The following ZNF596 variants were observed in gnomAD, a reference collection of about 807,000 sequenced individuals.
ZNF596 encodes the protein zinc finger protein 596.
A neutral mutation model predicts 48.3 loss-of-function variants in ZNF596; 45 were observed. The observed-to-expected ratio is 0.93, with a 90% confidence interval of 0.73 to 1.19. The LOEUF (loss-of-function observed/expected upper bound fraction) is 1.19, where lower values mean the gene tolerates loss of function less well. ZNF596 is among the 50% of genes most tolerant of loss of function. The pLI is 0.00. For synonymous variants in ZNF596, 270 were observed against 202.0 expected (o/e 1.34, Z -2.85); for missense variants, 848 against 599.7 (o/e 1.41, Z -4.32).
At chr8:243,540 G>A (rs1416249873) in intron 3 of ZNF596, 182 bp from the exon 4 acceptor site, 1 of 486,388 alleles carries the variant, frequency 2.1e-6, no homozygotes, top group African/African-American at 2.0e-5. Context: ...TTATGTCTGG[G>A]AACAAGTTCA....
At position 237,047 on chromosome 8, in the gene ZNF596, A is replaced by C. The variant is rs569312207; in HGVS notation, c.-72-3777A>C. The C allele has an allele frequency of 9.2e-5, 14 of 152,298 alleles. 1 individual carries two copies. The East Asian group carries it at 2.3e-3, about 25-fold the overall frequency. The allele number at this position is 152,298 out of a possible 1,614,324, so 9.4% of individuals were successfully genotyped here. On this transcript the variant is annotated intron_variant, in intron 1 of 5. Coordinates refer to ENST00000398612, the MANE Select transcript of ZNF596 (RefSeq NM_001042416.3). The stretch of plus-strand genomic sequence containing the variant: ...CTCTGATATATAACTTAAACATTAA[A>C]ATTGGCTAATCAGATTTTTGTGCTG...
In ZNF596 at chr8:245,170, A is replaced by G; in HGVS notation, c.323A>G (p.Glu108Gly). The change falls in exon 6 of 6, where the codon GAG (glutamate) becomes GGG (glycine). Residue 108 changes from glutamate to glycine, a missense_variant. Glu to Gly is a moderately conservative substitution (Grantham distance 98, BLOSUM62 -2). Coordinates refer to ENST00000398612, the MANE Select transcript of ZNF596 (RefSeq NM_001042416.3). Reference protein sequence around the residue: ...TISTMRSHTQEDPFLCNDLGE... With the variant: ...TISTMRSHTQGDPFLCNDLGE... ...CAAAACCAGAGATCTCATACTCAAG[A>G]GGATCCTTTTCTATGCAATGACTTA... 1.3e-6 allele frequency: 2 copies of G among 1,595,548 alleles called. No individual in the cohort carries two copies. The highest frequency in any genetic ancestry group is 1.7e-6 in the Non-Finnish European group (2 of 1,170,042).
At position 243,752 on chromosome 8, in the gene ZNF596, C is replaced by A; in HGVS notation, c.170C>A (p.Ser57Tyr). ...GKQLCKSVVL[S>Y]QLEQVEKLST... ...CAGCTCTGCAAATCAGTTGTGCTTT[C>A]CCAATTGGAGCAAGTAGAGAAACTT... Residue 57 changes from serine (S) to tyrosine (Y), a missense_variant, in exon 4 of 6, where the codon TCC (serine) becomes TAC (tyrosine). Coordinates refer to ENST00000398612, the MANE Select transcript of ZNF596 (RefSeq NM_001042416.3). 2 of 1,613,750 alleles carry A rather than the reference C, an allele frequency of 1.2e-6. No homozygotes were observed. The highest frequency in any genetic ancestry group is 1.7e-6 in the Non-Finnish European group (2 of 1,179,778).
chr8:243,081 C>G (rs1171493292), intron 3 of ZNF596, 68 bp downstream of exon 3: 11 of 1,435,284 alleles, frequency 7.7e-6, no homozygotes, highest in Non-Finnish European at 9.5e-6. Context: ...TTCACTGATT[C>G]ATTCTTTCAT....
Position 246,160 on chromosome 8 carries a change from A to C in ZNF596, c.1313A>C (p.Glu438Ala), listed in dbSNP as rs1007766291. The C allele has an allele frequency of 1.9e-6, 3 of 1,614,040 alleles. No homozygotes were observed. The highest frequency in any genetic ancestry group is 2.7e-5 in the African/African-American group (2 of 74,948). ...CACTCTTCTGTCCTTAGACGACATG[A>C]GAGAACTCACACTGGAGAGAAACCA... ...FNHSSVLRRH[E>A]RTHTGEKPYE... Residue 438 changes from glutamate (E) to alanine (A), a missense_variant, in exon 6 of 6, where the codon GAG (glutamate) becomes GCG (alanine). Physicochemically the swap from Glu to Ala is moderately radical, Grantham distance 107. Coordinates refer to ENST00000398612, the MANE Select transcript of ZNF596 (RefSeq NM_001042416.3).
rs541481013 is a variant in ZNF596, at chr8:232,743, C to G, written c.-73+49C>G. The stretch of plus-strand genomic sequence containing the variant: ...TCTTCCATCGTCCCCACCCTCGCCC[C>G]TCTTGGCCCCTCAGGGCAGCCCTGG... On this transcript the variant is annotated intron_variant, in intron 1 of 5. Coordinates refer to ENST00000398612, the MANE Select transcript of ZNF596 (RefSeq NM_001042416.3). 1.3e-3 allele frequency: 517 copies of G among 412,602 alleles called. 6 individuals carry two copies. Among genetic ancestry groups the G allele is most frequent in the African/African-American group, 0.01 (478 of 47,270 alleles). 25.6% of individuals were successfully genotyped at this position (412,602 alleles called of 1,614,324 possible).
intron 1 of ZNF596, among the ~76,000 whole-genome samples, chr8:240,016 G>C (rs1259385652): frequency 6.6e-6 from 1 of 152,172 alleles, no homozygotes; most frequent in African/African-American, 2.4e-5. Context: ...AAGAACAAAA[G>C]CTTCTCCTAG....
At chr8:232,840 A>G in intron 1 of ZNF596, 146 bp downstream of exon 1, 1 of 446,976 alleles carries the variant, frequency 2.2e-6, no homozygotes, top group East Asian at 7.0e-5. Context: ...CGTCTCCGCA[A>G]ACCCCACGCT....
chr8:245,821 A>T lies in ZNF596; in HGVS notation c.974A>T (p.His325Leu), dbSNP rs183667362. The change falls in exon 6 of 6, where the codon CAT becomes CTT. Residue 325 changes from histidine (H) to leucine (L), a missense_variant. Physicochemically the swap from His to Leu is moderately conservative, Grantham distance 99. Coordinates refer to ENST00000398612, the MANE Select transcript of ZNF596 (RefSeq NM_001042416.3). ...AFSKCSYLRQ[H>L]ERTHNGEKPY... ...AGTAAATGTTCTTACCTTAGACAAC[A>T]TGAAAGAACTCACAATGGAGAGAAA... The T allele has an allele frequency of 1.2e-6, 2 of 1,614,156 alleles. No homozygotes were observed. Among genetic ancestry groups the T allele is most frequent in the East Asian group, 4.5e-5 (2 of 44,864 alleles).
chr8:245,340 A>G lies in ZNF596; in HGVS notation c.493A>G (p.Lys165Glu). 1.9e-6 allele frequency: 3 copies of G among 1,614,126 alleles called. No individual in the cohort carries two copies. The highest frequency in any genetic ancestry group is 2.5e-6 in the Non-Finnish European group (3 of 1,179,976). ...NQHKEIHTKC[K>E]SYGSHLFDYA... ...ACACAAGGAAATTCACACCAAATGT[A>G]AATCATATGGAAGTCATCTATTTGA... Residue 165 changes from lysine to glutamate, a missense_variant, in exon 6 of 6, where the codon AAA (lysine) becomes GAA (glutamate). Lys to Glu is a moderately conservative substitution (Grantham distance 56). Coordinates refer to ENST00000398612, the MANE Select transcript of ZNF596 (RefSeq NM_001042416.3).
At chr8:242,837 A>C (rs761006510) in intron 2 of ZNF596, 50 bp from the exon 3 acceptor site, 1 of 1,418,052 alleles carries the variant, frequency 7.1e-7, no homozygotes, top group South Asian at 1.8e-5. Context: ...GCTCCACTGA[A>C]CATTGGCAGA....
intron 5 of ZNF596, 36 bp downstream of exon 5, chr8:244,737 T>C: frequency 1.3e-6 from 2 of 1,552,048 alleles, no homozygotes; most frequent in South Asian, 1.2e-5. Context: ...TTCTTACATA[T>C]AGAAACCTGG....
At position 243,734 on chromosome 8, in the gene ZNF596, G is replaced by A. The variant is rs1253539649; in HGVS notation, c.152G>A (p.Cys51Tyr). The A allele has an allele frequency of 5.0e-6, 8 of 1,613,402 alleles. No homozygotes were observed. The Admixed American group carries it at 6.7e-5, about 13-fold the overall frequency. ...SHLVSIGKQL[C>Y]KSVVLSQLEQ... ...TTCCCCAAAACAGGCAAACAGCTCT[G>A]CAAATCAGTTGTGCTTTCCCAATTG... The change falls in exon 4 of 6, where the codon TGC becomes TAC. Residue 51 changes from cysteine to tyrosine, a missense_variant. Coordinates refer to ENST00000398612, the MANE Select transcript of ZNF596 (RefSeq NM_001042416.3).
At position 244,707 on chromosome 8, in the gene ZNF596, C is replaced by A; in HGVS notation, c.306+6C>A. The A allele has an allele frequency of 6.2e-7, 1 of 1,607,218 alleles. No homozygotes were observed. Reference sequence around the variant, plus strand: ...CGTCCACCATCAGCACAATGGTAAGCTTTATGGATGCAAACCCTGTTCTTA... The same window carrying A: ...CGTCCACCATCAGCACAATGGTAAGATTTATGGATGCAAACCCTGTTCTTA... On this transcript the variant is annotated splice_donor_region_variant and intron_variant, in intron 5 of 5. Coordinates refer to ENST00000398612, the MANE Select transcript of ZNF596 (RefSeq NM_001042416.3).
In ZNF596 at chr8:246,991, G is replaced by A. The variant is rs1245917017; in HGVS notation, c.*629G>A. Reference sequence around the variant, plus strand: ...ATTCACATGGTGTAGAACTCTCAATGACATGAATGGAGGGTAGTCCTCAGT... The same window carrying A: ...ATTCACATGGTGTAGAACTCTCAATAACATGAATGGAGGGTAGTCCTCAGT... On this transcript the variant is annotated 3_prime_UTR_variant, in exon 6 of 6. Coordinates refer to ENST00000398612, the MANE Select transcript of ZNF596 (RefSeq NM_001042416.3). 6.7e-6 allele frequency: 1 copy of A among 149,512 alleles called. No individual in the cohort carries two copies. The highest frequency in any genetic ancestry group is 1.5e-5 in the Non-Finnish European group (1 of 67,084). The allele number at this position is 149,512 out of a possible 1,614,324, so 9.3% of individuals were successfully genotyped here.
intron 4 of ZNF596, chr8:244,065 T>A: frequency 3.9e-6 from 1 of 256,162 alleles, no homozygotes; most frequent in East Asian, 1.1e-4. Flanking sequence ...TTTTTTTCTA[T>A]TTTTAATAGA....
intron 2 of ZNF596, among the ~76,000 whole-genome samples, chr8:241,631 G>T (rs1796857232): frequency 6.6e-6 from 1 of 152,138 alleles, no homozygotes; most frequent in African/African-American, 2.4e-5. Context: ...TTAAAACTCT[G>T]AGGAAATTTT....
intron 1 of ZNF596, among the ~76,000 whole-genome samples, chr8:235,590 A>G (rs1355061208): frequency 2.6e-5 from 4 of 152,124 alleles, no homozygotes; most frequent in Non-Finnish European, 5.9e-5. Context: ...TGTAAAATGA[A>G]TTTTTCTATG....
rs755747712 is a variant in ZNF596 at position 244,619 on chromosome 8, G to T, written c.224G>T (p.Gly75Val). The T allele has an allele frequency of 8.7e-6, 14 of 1,605,028 alleles. No homozygotes were observed. Among genetic ancestry groups the T allele is most frequent in the African/African-American group, 1.3e-5 (1 of 74,298 alleles). The change falls in exon 5 of 6, where the codon GGT (glycine) becomes GTT (valine). Residue 75 changes from glycine (G) to valine (V), a missense_variant and splice_region_variant. Physicochemically the swap from Gly to Val is moderately radical, Grantham distance 109. Transcript: ENST00000398612. ...ATCTTTTTTTTTTCATTTATTTCAG[G>T]TAGAGAAGTTGGCATTAAACATCAA... ...LSTQRISLLQGREVGIKHQEI... is the reference protein window; with the variant it reads ...LSTQRISLLQVREVGIKHQEI...
Sources: allele counts gnomAD v4.1 joint callset (sites outside exome capture counted in the v4.1 genomes callset), GRCh38; gene constraint gnomAD v4.1.1; transcripts MANE v1.5; gene names NCBI Gene and HGNC (gene_info 2026-07-23, HGNC 2026-07-21).